The following DAB1 variants were observed in gnomAD, a reference collection of about 807,000 sequenced individuals.
The protein encoded by DAB1 is DAB adaptor protein 1, also known as disabled homolog 1.
Under a neutral mutation model 64.6 loss-of-function variants are expected in DAB1, and 15 were observed. The ratio of observed to expected loss-of-function variants is 0.23; its 90% CI spans 0.16 to 0.36. The LOEUF is 0.36. DAB1 is among the 10% of genes least tolerant of loss of function. The probability of loss-of-function intolerance (pLI) is 1.00; values close to 1 mark genes in which losing one functional copy is unlikely to be tolerated. For missense variants in DAB1, 596 were observed against 706.7 expected (o/e 0.84, Z 1.78); for synonymous variants, 235 against 251.9 (o/e 0.93, Z 0.64).
intron 2 of DAB1, among the ~76,000 whole-genome samples, chr1:57,264,825 C>T (rs1046802420): frequency 6.6e-6 from 1 of 152,184 alleles, no homozygotes; most frequent in Non-Finnish European, 1.5e-5. Flanking sequence ...TTTCTGATCA[C>T]CCACTGTATC....
chr1:57,524,984 A>G (rs79985140), intron 7 of DAB1, among the ~76,000 whole-genome samples: 1 of 152,234 alleles, frequency 6.6e-6, no homozygotes, highest in Non-Finnish European at 1.5e-5. Flanking sequence ...CTAGGAATCA[A>G]TGAAACACTA....
chr1:57,206,890 A>G (rs1371476689), intron 2 of DAB1, among the ~76,000 whole-genome samples: 1 of 151,194 alleles, frequency 6.6e-6, no homozygotes, highest in Non-Finnish European at 1.5e-5. Context: ...ATGATATGTG[A>G]CACATCCCAG....
At chr1:57,121,113 A>C (rs2100752075) in intron 4 of DAB1, among the ~76,000 whole-genome samples, 1 of 150,566 alleles carries the variant, frequency 6.6e-6, no homozygotes, top group South Asian at 2.1e-4. Flanking sequence ...GAGGAAGAAG[A>C]AGAGGAAGAA....
At chr1:57,772,045 C>T (rs1649587189) in intron 6 of DAB1, among the ~76,000 whole-genome samples, 1 of 152,154 alleles carries the variant, frequency 6.6e-6, no homozygotes, top group Non-Finnish European at 1.5e-5. Context: ...GCATTGGAAA[C>T]TTAATCCCTA....
At chr1:57,978,846 C>A (rs1645989439) in intron 5 of DAB1, among the ~76,000 whole-genome samples, 2 of 152,134 alleles carry the variant, frequency 1.3e-5, no homozygotes, top group African/African-American at 4.8e-5. Flanking sequence ...TATGGAAATG[C>A]AAATCAAAAC....
intron 4 of DAB1, among the ~76,000 whole-genome samples, chr1:58,237,192 T>C (rs1660081086): frequency 6.6e-6 from 1 of 152,006 alleles, no homozygotes; most frequent in South Asian, 2.1e-4. Context: ...TTGCACACAG[T>C]AGGGGTTCAA....
At chr1:58,087,572 T>C (rs1289531274) in intron 5 of DAB1, among the ~76,000 whole-genome samples, 2 of 152,130 alleles carry the variant, frequency 1.3e-5, no homozygotes, top group African/African-American at 4.8e-5. Context: ...GAATTATGCA[T>C]GACCCCAAAC....
intron 7 of DAB1, among the ~76,000 whole-genome samples, chr1:57,463,618 G>A (rs923273828): frequency 2.0e-5 from 3 of 152,098 alleles, no homozygotes; most frequent in Non-Finnish European, 2.9e-5. Context: ...CAGTTTCTTC[G>A]TGACAGAATT....
At chr1:57,604,853 T>C (rs1281056415) in intron 7 of DAB1, among the ~76,000 whole-genome samples, 1 of 152,178 alleles carries the variant, frequency 6.6e-6, no homozygotes, top group Non-Finnish European at 1.5e-5. Flanking sequence ...CCATAGGAGT[T>C]GTGTAAACAA....
At chr1:57,697,268 C>A (rs1349113585) in intron 6 of DAB1, among the ~76,000 whole-genome samples, 1 of 151,950 alleles carries the variant, frequency 6.6e-6, no homozygotes, top group Non-Finnish European at 1.5e-5. Context: ...AATTTAGAAT[C>A]TTTCTTATGG....
At chr1:57,079,441 G>T (rs1652284258) in intron 4 of DAB1, among the ~76,000 whole-genome samples, 1 of 152,030 alleles carries the variant, frequency 6.6e-6, no homozygotes, top group South Asian at 2.1e-4. Flanking sequence ...CTGGATTACC[G>T]CAGTATCCTC....
chr1:57,062,822 T>C, intron 9 of DAB1, 62 bp downstream of exon 9: 1 of 1,390,694 alleles, frequency 7.2e-7, no homozygotes, highest in Non-Finnish European at 1.0e-6. Flanking sequence ...CCGCAGGCTG[T>C]AGACAGCCTC....
At chr1:57,416,780 G>A (rs1355609089) in intron 1 of DAB1, among the ~76,000 whole-genome samples, 1 of 152,106 alleles carries the variant, frequency 6.6e-6, no homozygotes, top group Non-Finnish European at 1.5e-5. Flanking sequence ...ATTCAATTAA[G>A]CAGAAACTTA....
At chr1:58,431,226 C>G (rs1644867308) in intron 3 of DAB1, among the ~76,000 whole-genome samples, 1 of 151,970 alleles carries the variant, frequency 6.6e-6, no homozygotes, top group Non-Finnish European at 1.5e-5. Context: ...AATCCAAGAG[C>G]TAATGCCAGT....
intron 3 of DAB1, among the ~76,000 whole-genome samples, chr1:58,352,856 G>A (rs1216707891): frequency 6.6e-6 from 1 of 152,132 alleles, no homozygotes; most frequent in Non-Finnish European, 1.5e-5. Context: ...CTTCTGTCAT[G>A]TAAGGATACA....
intron 2 of DAB1, among the ~76,000 whole-genome samples, chr1:58,507,658 T>C (rs1646010313): frequency 6.6e-6 from 1 of 152,016 alleles, no homozygotes; most frequent in African/African-American, 2.4e-5. Context: ...TTTATACACA[T>C]ATAAATACAT....
chr1:57,892,060 G>A (rs1316376253), intron 5 of DAB1, among the ~76,000 whole-genome samples: 1 of 152,112 alleles, frequency 6.6e-6, no homozygotes, highest in Non-Finnish European at 1.5e-5. Flanking sequence ...GTTTTTCTAT[G>A]TTATCTTTGA....
chr1:57,679,163 A>C (rs1009411398), intron 6 of DAB1, among the ~76,000 whole-genome samples: 1 of 152,196 alleles, frequency 6.6e-6, no homozygotes, highest in African/African-American at 2.4e-5. Flanking sequence ...CTAAGTGGCC[A>C]AGTTTTGAAT....
chr1:57,053,372 C>G (rs753962213), intron 9 of DAB1, among the ~76,000 whole-genome samples: 2 of 151,802 alleles, frequency 1.3e-5, no homozygotes, highest in African/African-American at 4.8e-5. Context: ...CTCAGGCCCC[C>G]GAGTAGCTAG....
Sources: gnomAD v4.1 joint callset for allele counts (sites outside exome capture counted in the v4.1 genomes callset) on GRCh38, gnomAD v4.1.1 for gene constraint, MANE v1.5 for transcripts, NCBI Gene and HGNC (gene_info 2026-07-23, HGNC 2026-07-21) for gene names.